Variants in TMEM39B observed in about 807,000 individuals in gnomAD.
TMEM39B encodes the protein transmembrane protein 39B.
A neutral mutation model predicts 52.2 loss-of-function variants in TMEM39B; 23 were observed. That is an observed-to-expected ratio of 0.44 (90% CI 0.32 to 0.62). The LOEUF (loss-of-function observed/expected upper bound fraction) is 0.62, where lower values mean the gene tolerates loss of function less well. TMEM39B is among the 20% of genes least tolerant of loss of function. TMEM39B has a pLI of 0.06. For missense variants in TMEM39B, 547 were observed against 642.0 expected (o/e 0.85, Z 1.60); for synonymous variants, 285 against 264.0 (o/e 1.08, Z -0.77).
intron 5 of TMEM39B, among the ~76,000 whole-genome samples, chr1:32,090,016 G>A (rs750972078): frequency 3.3e-5 from 5 of 151,556 alleles, no homozygotes; most frequent in Non-Finnish European, 5.9e-5. Context: ...GCAACAGAGT[G>A]AGACTCTGTC....
chr1:32,088,937 A>G (rs759093473), intron 5 of TMEM39B, among the ~76,000 whole-genome samples: 3 of 151,958 alleles, frequency 2.0e-5, no homozygotes, highest in Admixed American at 6.6e-5. Context: ...TTGATCATCT[A>G]TTCTGGGCCA....
At chr1:32,072,897 G>A (rs574549668), upstream of TMEM39B, 5 of 1,066,708 alleles carry the variant, frequency 4.7e-6, no homozygotes, top group Non-Finnish European at 5.2e-6. Context: ...CTTCCAGCCC[G>A]CCTTGTATGC....
At chr1:32,093,967 C>T (rs1025667058) in intron 6 of TMEM39B, among the ~76,000 whole-genome samples, 88 of 150,846 alleles carry the variant, frequency 5.8e-4, no homozygotes, top group African/African-American at 2.0e-3. Context: ...TACAGGCGCC[C>T]GCCACCACGC....
chr1:32,077,038 G>A (rs903598247), intron 4 of TMEM39B, 126 bp from the exon 5 acceptor site: 7 of 1,408,196 alleles, frequency 5.0e-6, no homozygotes, highest in African/African-American at 1.4e-5. Context: ...ACCTTGCCAG[G>A]TTCTGCCCAG....
chr1:32,091,819 G>A lies in TMEM39B; in HGVS notation c.735G>A (p.Thr245=), dbSNP rs201087426. 2.4e-5 allele frequency: 38 copies of A among 1,614,220 alleles called. No individual in the cohort carries two copies. The highest frequency in any genetic ancestry group is 3.3e-4 in the Middle Eastern group (2 of 6,062). The change falls in exon 6 of 9, where the codon ACG becomes ACA. Residue 245 remains threonine (T), a synonymous_variant. Transcript: ENST00000336294. ...ACTACCTCCTGACACTGCGGGAGAC[G>A]TGGAAGCAGCACACAAGACAGCTGT... ...SRDYLLTLRE[T]WKQHTRQLYG...
intron 5 of TMEM39B, among the ~76,000 whole-genome samples, chr1:32,090,945 C>T (rs538732016): frequency 3.9e-4 from 60 of 152,044 alleles, no homozygotes; most frequent in African/African-American, 1.3e-3. Context: ...TGGCCCATAC[C>T]TGCCTAATTT....
chr1:32,086,336 A>G (rs1171729654), intron 5 of TMEM39B, among the ~76,000 whole-genome samples: 2 of 152,152 alleles, frequency 1.3e-5, no homozygotes, highest in South Asian at 2.1e-4. Flanking sequence ...CGCTCATGCC[A>G]TATTCTAGAC....
At chr1:32,082,784 T>G (rs1341541426) in intron 5 of TMEM39B, among the ~76,000 whole-genome samples, 3 of 145,568 alleles carry the variant, frequency 2.1e-5, no homozygotes, top group Non-Finnish European at 4.6e-5. Flanking sequence ...TTGTTTTTTG[T>G]TTTTTTTTGA....
rs773655579 is a variant in TMEM39B at position 32,091,688 on chromosome 1, A to C, written c.604A>C (p.Ile202Leu). 5.0e-6 allele frequency: 8 copies of C among 1,603,630 alleles called. No homozygotes were observed. The highest frequency in any genetic ancestry group is 6.8e-6 in the Non-Finnish European group (8 of 1,173,710). The change falls in exon 6 of 9, where the codon ATT becomes CTT. Residue 202 changes from isoleucine to leucine, a missense_variant. Coordinates refer to ENST00000336294, the MANE Select transcript of TMEM39B (RefSeq NM_018056.4). ...LFLCYPFGMY[I>L]PFLQLNCDLR... ...CTTCCCCAGCAGGTTTGGGATGTAC[A>C]TTCCGTTCCTGCAGCTGAATTGCGA...
At chr1:32,088,783 T>C (rs1557430854) in intron 5 of TMEM39B, among the ~76,000 whole-genome samples, 1 of 152,134 alleles carries the variant, frequency 6.6e-6, no homozygotes, top group Non-Finnish European at 1.5e-5. Flanking sequence ...AAGTTTAAGC[T>C]GGAGACCTTT....
rs1313678161 is a variant in TMEM39B, at chr1:32,091,681, G to T, written c.597G>T (p.Gly199=). The change falls in exon 6 of 9, where the codon GGG becomes GGT. Residue 199 remains glycine (G), a synonymous_variant. Coordinates refer to ENST00000336294, the MANE Select transcript of TMEM39B (RefSeq NM_018056.4). ...CCACCGTCTTCCCCAGCAGGTTTGG[G>T]ATGTACATTCCGTTCCTGCAGCTGA... ...LNLLFLCYPF[G]MYIPFLQLNC... 2 of 1,598,410 alleles carry T rather than the reference G, an allele frequency of 1.3e-6. No homozygotes were observed. The highest frequency in any genetic ancestry group is 1.7e-6 in the Non-Finnish European group (2 of 1,170,626).
Position 32,083,054 on chromosome 1 carries a change from G to A in TMEM39B, c.590+5736G>A, listed in dbSNP as rs189580178. Among the ~76,000 whole-genome samples, 4 of 148,808 alleles carry A rather than the reference G, an allele frequency of 2.7e-5. No individual in the cohort carries two copies. In the South Asian group the frequency reaches 6.4e-4, roughly 24 times the overall value. On this transcript the variant is annotated intron_variant, in intron 5 of 8. Coordinates refer to ENST00000336294, the MANE Select transcript of TMEM39B (RefSeq NM_018056.4). ...CTCCCAAAGTGCTGGGATTACAAGCGTGAGCCACCGCGCCCAGCCTGGTTT... is the reference window on the plus strand; with the variant it reads ...CTCCCAAAGTGCTGGGATTACAAGCATGAGCCACCGCGCCCAGCCTGGTTT...
At chr1:32,074,497 A>G (rs1284066220) in intron 1 of TMEM39B, among the ~76,000 whole-genome samples, 1 of 152,188 alleles carries the variant, frequency 6.6e-6, no homozygotes, top group East Asian at 1.9e-4. Flanking sequence ...AAGATAAGGT[A>G]ACTGACCTCA....
intron 2 of TMEM39B, 90 bp from the exon 3 acceptor site, chr1:32,075,513 C>A: frequency 2.2e-6 from 3 of 1,366,286 alleles, no homozygotes; most frequent in Non-Finnish European, 2.0e-6. Flanking sequence ...AGCTGCTTTT[C>A]TGATCTTATC....
chr1:32,079,080 G>T (rs1293234601), intron 5 of TMEM39B, among the ~76,000 whole-genome samples: 1 of 151,946 alleles, frequency 6.6e-6, no homozygotes, highest in African/African-American at 2.4e-5. Flanking sequence ...TTTTATTTTA[G>T]AGATGAGGGT....
intron 6 of TMEM39B, among the ~76,000 whole-genome samples, chr1:32,092,934 T>C (rs563016775): frequency 1.3e-5 from 2 of 152,236 alleles, no homozygotes; most frequent in South Asian, 4.2e-4. Flanking sequence ...TCAGCAGCTG[T>C]TGTAACACAG....
chr1:32,083,550 G>A (rs1203060472), intron 5 of TMEM39B, among the ~76,000 whole-genome samples: 2 of 149,082 alleles, frequency 1.3e-5, no homozygotes, highest in East Asian at 4.0e-4. Flanking sequence ...AGCCTCCCGA[G>A]TAGCTGGGAC....
intron 7 of TMEM39B, among the ~76,000 whole-genome samples, chr1:32,099,801 C>T (rs192447816): frequency 1.6e-4 from 25 of 152,274 alleles, no homozygotes; most frequent in African/African-American, 5.5e-4. Flanking sequence ...AATCCCAGCA[C>T]TTTGAGAGAC....
intron 7 of TMEM39B, among the ~76,000 whole-genome samples, chr1:32,099,933 G>A (rs1429912007): frequency 6.6e-6 from 1 of 152,128 alleles, no homozygotes; most frequent in Non-Finnish European, 1.5e-5. Flanking sequence ...TGTAATCCCA[G>A]CTACTCTTCA....
Sources: allele counts gnomAD v4.1 joint callset (sites outside exome capture counted in the v4.1 genomes callset), GRCh38; gene constraint gnomAD v4.1.1; transcripts MANE v1.5; gene names NCBI Gene and HGNC (gene_info 2026-07-23, HGNC 2026-07-21).